The following UNC13C variants were observed in gnomAD, a reference collection of about 807,000 sequenced individuals.
UNC13C encodes unc-13 homolog C, also known as protein unc-13 homolog C.
UNC13C carries 174 observed loss-of-function variants against 245.4 expected under a neutral mutation model. That is an observed-to-expected ratio of 0.71 (90% CI 0.63 to 0.80). The LOEUF (loss-of-function observed/expected upper bound fraction) is 0.80. UNC13C is among the 30% of genes least tolerant of loss of function. UNC13C has a pLI of 0.00. For missense variants in UNC13C, 2,829 were observed against 2,602.9 expected (o/e 1.09, Z -1.89); for synonymous variants, 992 against 895.1 (o/e 1.11, Z -1.93).
chr15:54,013,422 A>T lies in UNC13C; in HGVS notation c.519A>T (p.Leu173=). The T allele has an allele frequency of 1.2e-6, 2 of 1,613,924 alleles. No individual in the cohort carries two copies. Among genetic ancestry groups the T allele is most frequent in the Admixed American group, 1.7e-5 (1 of 60,008 alleles). The change falls in exon 2 of 33, where the codon CTA becomes CTT. Residue 173 remains leucine (L), a synonymous_variant. Transcript: ENST00000260323. ...GCAGCTCTGACGGGGAGCGTACTCT[A>T]CATGGCTTAAAACTGGGAGCTTTAC... The part of the protein sequence containing the change: ...SEGSSDGERT[L]HGLKLGALRK...
At chr15:54,147,705 G>GGTGC (rs1555423207) in intron 4 of UNC13C, among the ~76,000 whole-genome samples, 1 of 149,804 alleles carries the variant, frequency 6.7e-6, no homozygotes, top group African/African-American at 2.5e-5. Flanking sequence ...CATCACAAGG[G>GGTGC]GTGTGTGTGT....
intron 26 of UNC13C, among the ~76,000 whole-genome samples, chr15:54,539,123 A>T (rs992748261): frequency 2.0e-5 from 3 of 152,094 alleles, no homozygotes; most frequent in South Asian, 4.1e-4. Context: ...ATAGGTAAGG[A>T]TAAAAAAGAA....
intron 4 of UNC13C, 67 bp from the exon 5 acceptor site, chr15:54,234,963 A>T: frequency 1.5e-6 from 2 of 1,361,362 alleles, no homozygotes; most frequent in South Asian, 1.2e-5. Flanking sequence ...TACCATGAAC[A>T]GTGGATGTTT....
chr15:54,038,124 A>AAAATTTTTTTTTTTTTTTTTT (rs1555406259), intron 2 of UNC13C, among the ~76,000 whole-genome samples: 1 of 45,040 alleles, frequency 2.2e-5, no homozygotes, highest in African/African-American at 1.1e-4. Context: ...ATATATATAT[A>AAAATTTTTTTTTTTTTTTTTT]TTTTTTTTTT....
intron 18 of UNC13C, among the ~76,000 whole-genome samples, chr15:54,405,593 G>T (rs1418820462): frequency 6.6e-6 from 1 of 151,990 alleles, no homozygotes; most frequent in Non-Finnish European, 1.5e-5. Flanking sequence ...AGTTAGACAT[G>T]GTGAAAAAAC....
intron 10 of UNC13C, among the ~76,000 whole-genome samples, chr15:54,289,233 T>A (rs1420508083): frequency 6.6e-6 from 1 of 152,096 alleles, no homozygotes; most frequent in Non-Finnish European, 1.5e-5. Context: ...CTGTCTACAT[T>A]CAGTTTGAAT....
At position 54,397,699 on chromosome 15, in the gene UNC13C, T is replaced by G. The variant is rs80074805; in HGVS notation, c.4847+4518T>G. Among the ~76,000 whole-genome samples the G allele has an allele frequency of 4.7e-3, 718 of 151,550 alleles. 35 individuals are homozygous for G. The East Asian group carries it at 0.1, about 22-fold the overall frequency. ...TTAAGGTCTTATTTAATTTCTTATT[T>G]TGGTGAAAAGGTGTTACATATTCTT... On this transcript the variant is annotated intron_variant, in intron 18 of 32. Coordinates refer to ENST00000260323, the MANE Select transcript of UNC13C (RefSeq NM_001080534.3).
intron 23 of UNC13C, among the ~76,000 whole-genome samples, chr15:54,508,922 G>A (rs968434586): frequency 2.6e-5 from 4 of 152,122 alleles, no homozygotes; most frequent in Non-Finnish European, 2.9e-5. Flanking sequence ...AATATAGGCC[G>A]GGCGCGGTGG....
chr15:54,452,029 A>G (rs912999207), intron 19 of UNC13C, among the ~76,000 whole-genome samples: 10 of 152,240 alleles, frequency 6.6e-5, no homozygotes, highest in African/African-American at 1.9e-4. Flanking sequence ...TTGACCATAC[A>G]CAGCCAAATC....
chr15:53,979,093 C>T (rs1388325600), intron 1 of UNC13C, among the ~76,000 whole-genome samples, 166 bp downstream of exon 1: 1 of 151,888 alleles, frequency 6.6e-6, no homozygotes, highest in Non-Finnish European at 1.5e-5. Flanking sequence ...TTATAATGTA[C>T]ATGATTCTAT....
Position 54,464,872 on chromosome 15 carries a change from T to C in UNC13C, c.4934-29736T>C, listed in dbSNP as rs542478127. Among the ~76,000 whole-genome samples the C allele has an allele frequency of 3.3e-5, 5 of 152,062 alleles. No homozygotes were observed. In the South Asian group the frequency reaches 1.0e-3, roughly 32 times the overall value. On this transcript the variant is annotated intron_variant, in intron 19 of 32. Coordinates refer to ENST00000260323, the MANE Select transcript of UNC13C (RefSeq NM_001080534.3). ...GATAAATAGTATTCAAAGGTATTCA[T>C]GGATTGCTTTTTTTTTTTTAACCTC...
intron 4 of UNC13C, among the ~76,000 whole-genome samples, chr15:54,153,157 A>G (rs964366171): frequency 6.6e-6 from 1 of 152,134 alleles, no homozygotes; most frequent in Non-Finnish European, 1.5e-5. Flanking sequence ...AAAGAACTGC[A>G]CTGTAATCCA....
chr15:54,110,208 A>G (rs1269652207), intron 2 of UNC13C, among the ~76,000 whole-genome samples: 1 of 151,930 alleles, frequency 6.6e-6, no homozygotes, highest in African/African-American at 2.4e-5. Flanking sequence ...TGAACCCAGG[A>G]GGCAGAGGTT....
At chr15:54,470,490 G>T (rs1892400512) in intron 19 of UNC13C, among the ~76,000 whole-genome samples, 1 of 151,338 alleles carries the variant, frequency 6.6e-6, no homozygotes, top group Non-Finnish European at 1.5e-5. Flanking sequence ...ATGATTTTAG[G>T]ACTTTATCCA....
chr15:54,084,787 C>T (rs986702943), intron 2 of UNC13C, among the ~76,000 whole-genome samples: 3 of 152,184 alleles, frequency 2.0e-5, no homozygotes, highest in African/African-American at 4.8e-5. Flanking sequence ...ATACTCTCTT[C>T]TCATATAGAT....
chr15:54,311,778 G>A (rs1191403050), intron 13 of UNC13C, among the ~76,000 whole-genome samples: 1 of 151,714 alleles, frequency 6.6e-6, no homozygotes, highest in East Asian at 1.9e-4. Flanking sequence ...TCAGCGATTT[G>A]TTTGACTTCT....
intron 2 of UNC13C, among the ~76,000 whole-genome samples, chr15:54,016,511 C>A (rs1895666144): frequency 6.6e-6 from 1 of 152,132 alleles, no homozygotes; most frequent in African/African-American, 2.4e-5. Context: ...ACAAGCTATT[C>A]TTTGAGAAGA....
At chr15:54,573,223 C>A (rs547850031) in intron 30 of UNC13C, among the ~76,000 whole-genome samples, 1 of 152,166 alleles carries the variant, frequency 6.6e-6, no homozygotes, top group South Asian at 2.1e-4. Flanking sequence ...TCTTTTCTCT[C>A]CTATTTTTGT....
intron 30 of UNC13C, among the ~76,000 whole-genome samples, chr15:54,613,179 AG>A (rs1254394596): frequency 2.0e-5 from 3 of 151,916 alleles, no homozygotes; most frequent in African/African-American, 7.2e-5. Flanking sequence ...ATAGCCAATT[AG>A]TATATAAAAT....
Sources: gnomAD v4.1 joint callset for allele counts (sites outside exome capture counted in the v4.1 genomes callset) on GRCh38, gnomAD v4.1.1 for gene constraint, MANE v1.5 for transcripts, NCBI Gene and HGNC (gene_info 2026-07-23, HGNC 2026-07-21) for gene names.